Variants in ADAMTSL1 observed in about 807,000 individuals in gnomAD.
The protein encoded by ADAMTSL1 is ADAMTS-like protein 1.
A neutral mutation model predicts 201.8 loss-of-function variants in ADAMTSL1; 126 were observed. The observed-to-expected ratio is 0.62, with a 90% CI of 0.54 to 0.72. ADAMTSL1 has a LOEUF of 0.72. Ranked by LOEUF, ADAMTSL1 falls within the 30% of genes least tolerant of loss-of-function variation. The pLI is 0.00. For synonymous variants in ADAMTSL1, 1,121 were observed against 903.4 expected (o/e 1.24, Z -4.32); for missense variants, 2,679 against 2,277.8 (o/e 1.18, Z -3.59).
At chr9:18,867,113 T>C (rs1402864446) in intron 23 of ADAMTSL1, among the ~76,000 whole-genome samples, 1 of 152,176 alleles carries the variant, frequency 6.6e-6, no homozygotes, top group Admixed American at 6.5e-5. Context: ...AGTTCAGAGG[T>C]TCTTTTCCAA....
intron 3 of ADAMTSL1, among the ~76,000 whole-genome samples, chr9:18,546,389 AT>A (rs1820468605): frequency 6.6e-6 from 1 of 152,056 alleles, no homozygotes; most frequent in Non-Finnish European, 1.5e-5. Flanking sequence ...ACAGCTCACT[AT>A]AACCTCAAAC....
chr9:18,777,367 C>G lies in ADAMTSL1; in HGVS notation c.3138C>G (p.Asp1046Glu), dbSNP rs756830444. Reference sequence around the variant, plus strand: ...TGCTGGCCTCGTGGGAGGCGCAGGACTCTGCGGAAAGGAACACGACCTCGG... The same window carrying G: ...TGCTGGCCTCGTGGGAGGCGCAGGAGTCTGCGGAAAGGAACACGACCTCGG... ...GELLASWEAQDSAERNTTSEE... is the reference protein window; with the variant it reads ...GELLASWEAQESAERNTTSEE... Residue 1046 changes from aspartate (D) to glutamate (E), a missense_variant, in exon 19 of 29, where the codon GAC becomes GAG. Physicochemically the swap from Asp to Glu is conservative, Grantham distance 45 (BLOSUM62 2). Transcript: ENST00000380548. 1.2e-6 allele frequency: 2 copies of G among 1,602,952 alleles called. No individual in the cohort carries two copies. The highest frequency in any genetic ancestry group is 3.4e-5 in the Admixed American group (2 of 58,572).
intron 2 of ADAMTSL1, among the ~76,000 whole-genome samples, chr9:18,267,525 G>A (rs1031507291): frequency 6.6e-6 from 1 of 152,040 alleles, no homozygotes; most frequent in African/African-American, 2.4e-5. Flanking sequence ...TCAGCGCATG[G>A]CTTACAGAAA....
At chr9:17,980,554 C>T (rs1326439950) in intron 1 of ADAMTSL1, among the ~76,000 whole-genome samples, 1 of 151,916 alleles carries the variant, frequency 6.6e-6, no homozygotes, top group Non-Finnish European at 1.5e-5. Context: ...TTTGTGTTCC[C>T]TCAAGTTCAT....
intron 2 of ADAMTSL1, among the ~76,000 whole-genome samples, chr9:18,508,468 T>A (rs566376626): frequency 6.6e-6 from 1 of 152,334 alleles, no homozygotes; most frequent in African/African-American, 2.4e-5. Flanking sequence ...ATGCATCTGC[T>A]CAGGATCCTC....
chr9:18,183,406 T>C (rs1828587891), intron 2 of ADAMTSL1, among the ~76,000 whole-genome samples: 1 of 152,172 alleles, frequency 6.6e-6, no homozygotes. Flanking sequence ...AACTTCTTCT[T>C]TGTAAAAGAT....
chr9:18,254,667 G>GCCCCC (rs530444304), intron 2 of ADAMTSL1, among the ~76,000 whole-genome samples: 13 of 41,830 alleles, frequency 3.1e-4, no homozygotes, highest in African/African-American at 1.0e-3. Flanking sequence ...CTGCCCCCCC[G>GCCCCC]CCCCCCCCAG....
At chr9:18,414,608 T>G (rs139937490) in intron 2 of ADAMTSL1, among the ~76,000 whole-genome samples, 19 of 152,172 alleles carry the variant, frequency 1.2e-4, no homozygotes, top group African/African-American at 4.6e-4. Flanking sequence ...CTTACTTCCT[T>G]GAGAGAGTTT....
intron 2 of ADAMTSL1, among the ~76,000 whole-genome samples, chr9:18,287,993 G>A (rs1436503141): frequency 6.6e-6 from 1 of 152,124 alleles, no homozygotes. Flanking sequence ...TATTGAGATT[G>A]AGTTCTGCTT....
At chr9:17,930,326 A>G (rs2131316554) in intron 1 of ADAMTSL1, among the ~76,000 whole-genome samples, 1 of 152,198 alleles carries the variant, frequency 6.6e-6, no homozygotes, top group Middle Eastern at 3.4e-3. Flanking sequence ...GGGGAAGGGA[A>G]TGTTGAGAAT....
intron 2 of ADAMTSL1, among the ~76,000 whole-genome samples, chr9:18,291,567 G>T (rs568654965): frequency 1.3e-5 from 2 of 152,148 alleles, no homozygotes; most frequent in East Asian, 3.9e-4. Flanking sequence ...ATTGCCTTAT[G>T]TAGACTCCCT....
chr9:18,750,778 T>C (rs1819426359), intron 15 of ADAMTSL1, among the ~76,000 whole-genome samples: 1 of 152,200 alleles, frequency 6.6e-6, no homozygotes, highest in African/African-American at 2.4e-5. Flanking sequence ...TTGAGGTCTT[T>C]CCTGAGGTTG....
chr9:18,794,642 G>T (rs113349051), intron 19 of ADAMTSL1, among the ~76,000 whole-genome samples: 35,428 of 147,160 alleles, frequency 0.24, 4,396 homozygotes, highest in Admixed American at 0.3. Context: ...TTTTGTTGTT[G>T]TTGTTTTTTG....
At chr9:18,398,689 G>A (rs59700137) in intron 2 of ADAMTSL1, among the ~76,000 whole-genome samples, 3,542 of 152,068 alleles carry the variant, frequency 0.023, 159 homozygotes, top group African/African-American at 0.081. Flanking sequence ...CACTCTATTA[G>A]CAATGATTAG....
intron 1 of ADAMTSL1, among the ~76,000 whole-genome samples, chr9:17,996,838 G>A (rs1368137274): frequency 2.0e-5 from 3 of 152,094 alleles, no homozygotes; most frequent in African/African-American, 7.2e-5. Context: ...AGCCCACTGG[G>A]GCAAGGCAGC....
chr9:18,692,357 G>GT (rs1564155475), intron 13 of ADAMTSL1, among the ~76,000 whole-genome samples: 1 of 152,104 alleles, frequency 6.6e-6, no homozygotes, highest in Middle Eastern at 3.2e-3. Flanking sequence ...AGATAGAGCC[G>GT]TTTTTTTGTA....
At chr9:18,341,538 C>T (rs907990781) in intron 2 of ADAMTSL1, among the ~76,000 whole-genome samples, 18 of 152,224 alleles carry the variant, frequency 1.2e-4, no homozygotes, top group African/African-American at 4.1e-4. Flanking sequence ...TCCTCCATAG[C>T]CCTTTTGACT....
At chr9:18,859,408 C>T (rs893703634) in intron 23 of ADAMTSL1, among the ~76,000 whole-genome samples, 2 of 152,144 alleles carry the variant, frequency 1.3e-5, no homozygotes, top group African/African-American at 2.4e-5. Context: ...CTTGCATAAT[C>T]GAGGATAATC....
intron 2 of ADAMTSL1, among the ~76,000 whole-genome samples, chr9:18,330,305 G>C (rs1834979108): frequency 1.3e-5 from 2 of 152,146 alleles, no homozygotes; most frequent in African/African-American, 2.4e-5. Flanking sequence ...CAGTTTTCCA[G>C]ATTATCTTCC....
Sources: gnomAD v4.1 joint callset for allele counts (sites outside exome capture counted in the v4.1 genomes callset) on GRCh38, gnomAD v4.1.1 for gene constraint, MANE v1.5 for transcripts, NCBI Gene and HGNC (gene_info 2026-07-23, HGNC 2026-07-21) for gene names.